GEMIN7: variants seen among roughly 807,000 people sequenced by gnomAD.
GEMIN7 encodes the protein gem-associated protein 7.
A neutral mutation model predicts 7.8 loss-of-function variants in GEMIN7; 7 were observed. That is an observed-to-expected ratio of 0.90 (90% confidence interval 0.51 to 1.69). The LOEUF (loss-of-function observed/expected upper bound fraction) is 1.69. Ranked by LOEUF, GEMIN7 falls within the 40% of genes most tolerant of loss-of-function variation. The pLI is 0.00. For synonymous variants in GEMIN7, 68 were observed against 72.4 expected (o/e 0.94, Z 0.31); for missense variants, 159 against 176.2 (o/e 0.90, Z 0.55).
intron 2 of GEMIN7, among the ~76,000 whole-genome samples, chr19:45,086,825 C>T (rs1967704043): frequency 6.7e-6 from 1 of 149,298 alleles, no homozygotes; most frequent in Non-Finnish European, 1.5e-5. Context: ...CTGGGATCTC[C>T]ACTCTTCATT....
chr19:45,075,963 G>A, upstream of GEMIN7: 1 of 1,582,344 alleles, frequency 6.3e-7, no homozygotes, highest in Non-Finnish European at 8.6e-7. Context: ...GGGCCTGAGG[G>A]GCAGGACGGG....
chr19:45,084,641 T>A (rs1373371542), intron 2 of GEMIN7, among the ~76,000 whole-genome samples: 1 of 151,928 alleles, frequency 6.6e-6, no homozygotes, highest in Non-Finnish European at 1.5e-5. Flanking sequence ...AGTGGCACAA[T>A]ATCTCAGCTC....
In GEMIN7 at chr19:45,090,330, C is replaced by T. The variant is rs1432241775; in HGVS notation, c.216C>T (p.Ala72=). The change falls in exon 3 of 3, where the codon GCC becomes GCT. Residue 72 remains alanine, a synonymous_variant. Coordinates refer to ENST00000270257, the MANE Select transcript of GEMIN7 (RefSeq NM_024707.3). ...LRERYLRSLL[A]MVGHQVSFTL... is the part of the protein sequence containing the mutation. ...AGCGTTACCTCCGCAGCCTGCTGGCCATGGTGGGTCATCAGGTGAGCTTCA... is the reference window on the plus strand; with the variant it reads ...AGCGTTACCTCCGCAGCCTGCTGGCTATGGTGGGTCATCAGGTGAGCTTCA... The T allele has an allele frequency of 6.2e-7, 1 of 1,614,166 alleles. No individual in the cohort carries two copies.
upstream of GEMIN7, chr19:45,076,436 C>T: frequency 8.6e-7 from 1 of 1,165,910 alleles, no homozygotes. The surrounding 1 kb of genome is among the most constrained non-coding windows in gnomAD (Gnocchi z 4.9). Context: ...GGAGGACGCA[C>T]GAGCGGAGGA....
At chr19:45,075,824 T>C (rs760945622), upstream of GEMIN7, 2 of 1,613,878 alleles carry the variant, frequency 1.2e-6, no homozygotes, top group Admixed American at 1.7e-5. Context: ...CGGCCGCAGG[T>C]CAACAGATCT....
chr19:45,084,770 T>A (rs1967623768), intron 2 of GEMIN7, among the ~76,000 whole-genome samples: 1 of 152,242 alleles, frequency 6.6e-6, no homozygotes, highest in Non-Finnish European at 1.5e-5. Context: ...TTATTTATTT[T>A]TTGAGACAGA....
intron 2 of GEMIN7, among the ~76,000 whole-genome samples, chr19:45,086,115 C>T (rs1273050834): frequency 6.6e-6 from 1 of 151,712 alleles, no homozygotes; most frequent in Admixed American, 6.6e-5. Flanking sequence ...GATCCGCCTG[C>T]CTTGGCCTCC....
chr19:45,085,180 A>C (rs1396691080), intron 2 of GEMIN7: 1 of 152,334 alleles, frequency 6.6e-6, no homozygotes, highest in Non-Finnish European at 1.5e-5. Flanking sequence ...TCGGCCTCCC[A>C]AAGTTCTGGG....
intron 2 of GEMIN7, among the ~76,000 whole-genome samples, chr19:45,084,002 G>A (rs1555736117): frequency 6.6e-6 from 1 of 151,956 alleles, no homozygotes; most frequent in Non-Finnish European, 1.5e-5. Context: ...CCTGAGGTAA[G>A]GAGTTCAAGA....
At chr19:45,089,264 A>G (rs1967811296) in intron 2 of GEMIN7, among the ~76,000 whole-genome samples, 1 of 151,850 alleles carries the variant, frequency 6.6e-6, no homozygotes, top group Admixed American at 6.6e-5. Context: ...TTTTGCATCT[A>G]TTCCTTTTAT....
chr19:45,081,417 C>T (rs1350009294), intron 2 of GEMIN7, among the ~76,000 whole-genome samples: 7 of 150,158 alleles, frequency 4.7e-5, no homozygotes. Context: ...GATCATGCCA[C>T]TGTACTCCAG....
intron 2 of GEMIN7, among the ~76,000 whole-genome samples, chr19:45,085,863 CTT>C (rs869044428): frequency 1.1e-5 from 1 of 88,392 alleles, no homozygotes; most frequent in Non-Finnish European, 2.1e-5. Context: ...ACAAGAATCT[CTT>C]TTTTTTTTTT....
Position 45,090,259 on chromosome 19 carries a change from G to C in GEMIN7, c.145G>C (p.Glu49Gln), listed in dbSNP as rs1967849571. ...PEIQECPIAQESLESQEQRAR... is the reference protein window; with the variant it reads ...PEIQECPIAQQSLESQEQRAR... ...AATCCAGGAGTGTCCCATAGCTCAA[G>C]AATCCCTGGAATCCCAGGAGCAGCG... Residue 49 changes from glutamate (E) to glutamine (Q), a missense_variant, in exon 3 of 3, where the codon GAA (glutamate) becomes CAA (glutamine). By Grantham distance (29) the Glu-to-Gln change is conservative. Transcript: ENST00000270257. 9 of 1,614,196 alleles carry C rather than the reference G, an allele frequency of 5.6e-6. No individual in the cohort carries two copies. Among genetic ancestry groups the C allele is most frequent in the Non-Finnish European group, 7.6e-6 (9 of 1,180,032 alleles).
At chr19:45,076,174 TG>T, upstream of GEMIN7, 2 of 1,510,444 alleles carry the variant, frequency 1.3e-6, no homozygotes, top group Non-Finnish European at 1.8e-6. The surrounding 1 kb of genome is among the most constrained non-coding windows in gnomAD (Gnocchi z 4.9). Context: ...AGGGGAGTGG[TG>T]GGGTTCGCCG....
chr19:45,075,973 G>C, upstream of GEMIN7: 1 of 1,581,226 alleles, frequency 6.3e-7, no homozygotes, highest in South Asian at 1.1e-5. Context: ...GGCAGGACGG[G>C]GCGAAGGAGA....
chr19:45,083,240 G>C (rs10416500), intron 2 of GEMIN7, among the ~76,000 whole-genome samples: 13,099 of 152,290 alleles, frequency 0.086, 649 homozygotes, highest in South Asian at 0.11. Context: ...CTGAGACCAG[G>C]AGATGTAGAC....
upstream of GEMIN7, among the ~76,000 whole-genome samples, chr19:45,078,235 G>A (rs1967396885): frequency 6.6e-6 from 1 of 151,316 alleles, no homozygotes; most frequent in African/African-American, 2.4e-5. Flanking sequence ...CGGAGTAGCT[G>A]GGATTACAGA....
Position 45,090,111 on chromosome 19 carries a change from G to T in GEMIN7, c.-4G>T, listed in dbSNP as rs1468258820. ...CTCTTTTTCTTCACTCAACAGCCAA[G>T]ACAATGCAAACTCCAGTGAACATTC... On this transcript the variant is annotated 5_prime_UTR_variant, in exon 3 of 3. Transcript: ENST00000270257. 1.9e-6 allele frequency: 3 copies of T among 1,605,452 alleles called. No homozygotes were observed. Among genetic ancestry groups the T allele is most frequent in the South Asian group, 2.2e-5 (2 of 90,924 alleles).
Position 45,079,893 on chromosome 19 carries a change from G to C in GEMIN7, c.-131-14G>C, listed in dbSNP as rs1299648910. The C allele has an allele frequency of 6.6e-6, 1 of 152,242 alleles. No individual in the cohort carries two copies. Among genetic ancestry groups the C allele is most frequent in the African/African-American group, 2.4e-5 (1 of 41,444 alleles). 9.4% of individuals were successfully genotyped at this position (152,242 alleles called of 1,614,324 possible). ...GTGTCTGTGGACACGTCAACACCTT[G>C]GTTAATTAATTAGGTCTGGCGGCTT... On this transcript the variant is annotated splice_polypyrimidine_tract_variant and intron_variant, in intron 1 of 2. Coordinates refer to ENST00000270257, the MANE Select transcript of GEMIN7 (RefSeq NM_024707.3).
Sources: gnomAD v4.1 joint callset for allele counts (sites outside exome capture counted in the v4.1 genomes callset) on GRCh38, gnomAD v4.1.1 for gene constraint, Gnocchi (gnomAD v3.1) non-coding constraint, MANE v1.5 for transcripts, NCBI Gene and HGNC (gene_info 2026-07-23, HGNC 2026-07-21) for gene names.